The following EXT2 variants were observed in gnomAD, a reference collection of about 807,000 sequenced individuals.
EXT2 encodes the protein exostosin glycosyltransferase 2.
Under a neutral mutation model 81.6 loss-of-function variants are expected in EXT2, and 53 were observed. The observed-to-expected ratio is 0.65, with a 90% confidence interval of 0.52 to 0.82. The LOEUF is 0.82. Ranked by LOEUF, EXT2 falls within the 40% of genes least tolerant of loss-of-function variation. The pLI, the probability that EXT2 is intolerant of heterozygous loss-of-function variation, is 0.00. For missense variants in EXT2, 774 were observed against 910.2 expected (o/e 0.85, Z 1.93); for synonymous variants, 320 against 340.0 (o/e 0.94, Z 0.65).
intron 7 of EXT2, among the ~76,000 whole-genome samples, chr11:44,152,075 A>G (rs1194149397): frequency 1.3e-5 from 2 of 151,992 alleles, no homozygotes; most frequent in African/African-American, 2.4e-5. Context: ...TCACTTTCTT[A>G]TTGTAGAGTT....
chr11:44,166,762 G>A (rs1289252471), intron 7 of EXT2, among the ~76,000 whole-genome samples: 1 of 152,064 alleles, frequency 6.6e-6, no homozygotes, highest in Non-Finnish European at 1.5e-5. Context: ...ATAGCCTCTG[G>A]TTTTGAGTGG....
At chr11:44,188,668 G>A (rs557332422) in intron 8 of EXT2, among the ~76,000 whole-genome samples, 1 of 152,300 alleles carries the variant, frequency 6.6e-6, no homozygotes, top group South Asian at 2.1e-4. Context: ...TATTGTGAGC[G>A]AGAACTACCA....
At chr11:44,124,298 T>C (rs1156932100) in intron 4 of EXT2, among the ~76,000 whole-genome samples, 1 of 152,164 alleles carries the variant, frequency 6.6e-6, no homozygotes, top group Non-Finnish European at 1.5e-5. Flanking sequence ...TCCAGAGCCC[T>C]TCAGTTGCCT....
intron 7 of EXT2, among the ~76,000 whole-genome samples, chr11:44,152,491 C>T (rs1422672208): frequency 1.3e-5 from 2 of 152,110 alleles, no homozygotes; most frequent in East Asian, 1.9e-4. Flanking sequence ...GCTGGGACTA[C>T]AGGTGCACAC....
intron 8 of EXT2, among the ~76,000 whole-genome samples, chr11:44,189,320 A>G (rs1565227913): frequency 6.6e-6 from 1 of 152,246 alleles, no homozygotes; most frequent in Non-Finnish European, 1.5e-5. Flanking sequence ...ATGGTTGGTC[A>G]GTGAGATTTG....
At chr11:44,173,563 C>CTTTTTTTTTTTTTTTTTTT (rs66702988) in intron 8 of EXT2, among the ~76,000 whole-genome samples, 1 of 100,068 alleles carries the variant, frequency 1.0e-5, no homozygotes, top group Non-Finnish European at 2.0e-5. Flanking sequence ...TTCTTTCTTT[C>CTTTTTTTTTTTTTTTTTTT]TTTTTTTTTT....
chr11:44,176,184 G>A (rs1235763634), intron 8 of EXT2, among the ~76,000 whole-genome samples: 1 of 152,048 alleles, frequency 6.6e-6, no homozygotes, highest in Non-Finnish European at 1.5e-5. Context: ...AATTCTGTCT[G>A]GTCATGACCC....
At chr11:44,234,733 A>C (rs1955941313) in intron 12 of EXT2, among the ~76,000 whole-genome samples, 1 of 152,206 alleles carries the variant, frequency 6.6e-6, no homozygotes, top group Non-Finnish European at 1.5e-5. Flanking sequence ...CCCATAACAT[A>C]TTAAAAGCTG....
intron 7 of EXT2, among the ~76,000 whole-genome samples, chr11:44,130,505 C>G (rs1268766849): frequency 6.6e-6 from 1 of 152,224 alleles, no homozygotes; most frequent in Non-Finnish European, 1.5e-5. Context: ...GACCATGATA[C>G]TATTGCTGCA....
Position 44,107,135 on chromosome 11 carries a change from A to T in EXT2, c.-30-548A>T, listed in dbSNP as rs575774343. Among the ~76,000 whole-genome samples, 7 of 151,854 alleles carry T rather than the reference A, an allele frequency of 4.6e-5. No individual in the cohort carries two copies. The South Asian group carries it at 1.5e-3, about 32-fold the overall frequency. The stretch of plus-strand genomic sequence containing the variant: ...TATTGATAGGGTATAGTAATATTTT[A>T]TATTATGAATTAATATTTATGTTAA... On this transcript the variant is annotated intron_variant, in intron 1 of 13. Transcript: ENST00000533608.
At chr11:44,239,167 G>A (rs1324025686) in intron 13 of EXT2, among the ~76,000 whole-genome samples, 3 of 152,070 alleles carry the variant, frequency 2.0e-5, no homozygotes, top group Non-Finnish European at 4.4e-5. Flanking sequence ...AGAGATGTGG[G>A]GAGGCTATGA....
intron 4 of EXT2, among the ~76,000 whole-genome samples, chr11:44,120,480 A>G (rs1308948740): frequency 1.3e-5 from 2 of 152,218 alleles, no homozygotes; most frequent in Non-Finnish European, 2.9e-5. Flanking sequence ...ATATAAGAAC[A>G]TCTCCTACCA....
intron 7 of EXT2, among the ~76,000 whole-genome samples, chr11:44,152,047 AT>A (rs1294105961): frequency 2.6e-5 from 4 of 152,134 alleles, no homozygotes; most frequent in Non-Finnish European, 4.4e-5. Context: ...GTCTTTTGCC[AT>A]TTTTTAATCT....
intron 7 of EXT2, among the ~76,000 whole-genome samples, chr11:44,168,033 C>T (rs896949605): frequency 6.9e-6 from 1 of 145,230 alleles, no homozygotes; most frequent in Admixed American, 7.0e-5. Flanking sequence ...CAAGTGTTCT[C>T]GTAGTTCAAT....
chr11:44,177,503 T>G (rs1273606620), intron 8 of EXT2, among the ~76,000 whole-genome samples: 1 of 152,206 alleles, frequency 6.6e-6, no homozygotes, highest in African/African-American at 2.4e-5. Context: ...TGAACATATG[T>G]AGGAGGACAG....
chr11:44,172,229 A>G (rs1181221975), intron 8 of EXT2, among the ~76,000 whole-genome samples: 1 of 152,202 alleles, frequency 6.6e-6, no homozygotes, highest in Non-Finnish European at 1.5e-5. Flanking sequence ...ACGGATTGCT[A>G]TAGTCATTTG....
At chr11:44,116,399 T>G (rs576253318) in intron 4 of EXT2, 1 of 152,384 alleles carries the variant, frequency 6.6e-6, no homozygotes, top group African/African-American at 2.4e-5. Flanking sequence ...TACCACATTT[T>G]ATTCATCTCT....
chr11:44,184,577 C>T (rs1359371116), intron 8 of EXT2, among the ~76,000 whole-genome samples: 1 of 152,026 alleles, frequency 6.6e-6, no homozygotes, highest in Non-Finnish European at 1.5e-5. Context: ...AGGTGAAACC[C>T]CATCTCTACT....
chr11:44,135,651 C>T (rs1435789455), intron 7 of EXT2, among the ~76,000 whole-genome samples: 1 of 152,138 alleles, frequency 6.6e-6, no homozygotes, highest in African/African-American at 2.4e-5. Context: ...CTCAGCCTCC[C>T]AAAGTGCTGG....
Sources: gnomAD v4.1 joint callset for allele counts (sites outside exome capture counted in the v4.1 genomes callset) on GRCh38, gnomAD v4.1.1 for gene constraint, MANE v1.5 for transcripts, NCBI Gene and HGNC (gene_info 2026-07-23, HGNC 2026-07-21) for gene names.